CCDC148: variants seen among roughly 807,000 people sequenced by gnomAD.
The protein encoded by CCDC148 is coiled-coil domain-containing protein 148.
A neutral mutation model predicts 85.7 loss-of-function variants in CCDC148; 89 were observed. The observed-to-expected ratio is 1.04, with a 90% CI of 0.87 to 1.24. The LOEUF (loss-of-function observed/expected upper bound fraction) is 1.24. Among genes scored for constraint, CCDC148 ranks in the 50% most tolerant of loss-of-function variants. The pLI is 0.00. For missense variants in CCDC148, 692 were observed against 671.7 expected, an observed-to-expected ratio of 1.03 and a Z score of -0.33; for synonymous variants, 230 against 213.9, an observed-to-expected ratio of 1.08 and a Z score of -0.66.
At position 158,340,138 on chromosome 2, in the gene CCDC148, TTAAC is replaced by T. The variant is rs1047356215; in HGVS notation, c.486+100_486+103del. Reference sequence around the variant, plus strand: ...TTTAAATATTATTTATGTATTAATATTAACTAATATACAGGTCACACATGTTTGT... The same window carrying T: ...TTTAAATATTATTTATGTATTAATATTAATATACAGGTCACACATGTTTGT... On this transcript the variant is annotated intron_variant, in intron 5 of 13. Transcript: ENST00000283233. The T allele has an allele frequency of 5.4e-5, 45 of 833,430 alleles. No individual in the cohort carries two copies. The African/African-American group carries it at 6.9e-4, about 13-fold the overall frequency. 51.6% of individuals were successfully genotyped at this position (833,430 alleles called of 1,614,324 possible).
intron 11 of CCDC148, among the ~76,000 whole-genome samples, chr2:158,182,121 G>A (rs1558962602): frequency 1.3e-5 from 2 of 152,132 alleles, no homozygotes; most frequent in Non-Finnish European, 2.9e-5. Flanking sequence ...TGAGAAACAG[G>A]GAGGTGAAAG....
chr2:158,393,450 A>AG (rs981863406), intron 1 of CCDC148: 15 of 152,162 alleles, frequency 9.9e-5, no homozygotes, highest in African/African-American at 3.4e-4. Flanking sequence ...CTTTAATAGC[A>AG]GGGGGCTTTC....
intron 11 of CCDC148, among the ~76,000 whole-genome samples, chr2:158,180,650 G>A (rs1684852978): frequency 6.6e-6 from 1 of 152,110 alleles, no homozygotes; most frequent in Non-Finnish European, 1.5e-5. Context: ...AGTGAATGAT[G>A]AGTGACAGAG....
chr2:158,253,925 A>G (rs1478515574), intron 9 of CCDC148, among the ~76,000 whole-genome samples: 2 of 151,620 alleles, frequency 1.3e-5, no homozygotes, highest in Admixed American at 6.6e-5. Flanking sequence ...TATTCTTGCC[A>G]AAAAATAAAA....
chr2:158,292,285 A>G (rs1690929856), intron 9 of CCDC148, among the ~76,000 whole-genome samples: 1 of 152,208 alleles, frequency 6.6e-6, no homozygotes, highest in South Asian at 2.1e-4. Flanking sequence ...ATGGGAATTC[A>G]TTTGGTTATA....
intron 10 of CCDC148, among the ~76,000 whole-genome samples, chr2:158,225,763 C>T (rs1687480458): frequency 6.6e-6 from 1 of 152,122 alleles, no homozygotes; most frequent in African/African-American, 2.4e-5. Context: ...CCAATGAGAA[C>T]AAAGACACAA....
intron 11 of CCDC148, among the ~76,000 whole-genome samples, chr2:158,216,778 A>G (rs773908929): frequency 1.3e-5 from 2 of 152,128 alleles, no homozygotes; most frequent in African/African-American, 2.4e-5. Context: ...TAATATTTTG[A>G]GAAAAAATAC....
At chr2:158,436,982 T>C (rs868714268) in intron 1 of CCDC148, among the ~76,000 whole-genome samples, 5 of 152,098 alleles carry the variant, frequency 3.3e-5, no homozygotes, top group Admixed American at 6.5e-5. Context: ...GAGGCAATAA[T>C]TAATAGCTTA....
intron 1 of CCDC148, among the ~76,000 whole-genome samples, chr2:158,388,542 T>C (rs2105294786): frequency 6.6e-6 from 1 of 152,290 alleles, no homozygotes; most frequent in Admixed American, 6.5e-5. Context: ...TCACCCAGGC[T>C]GGAGTGCAAT....
intron 10 of CCDC148, among the ~76,000 whole-genome samples, chr2:158,241,550 C>T (rs886638096): frequency 6.6e-6 from 1 of 152,098 alleles, no homozygotes; most frequent in Admixed American, 6.6e-5. Context: ...GGGTATAATA[C>T]ATGTCACAAT....
chr2:158,262,172 T>C (rs1689258727), intron 9 of CCDC148, among the ~76,000 whole-genome samples: 1 of 152,086 alleles, frequency 6.6e-6, no homozygotes, highest in Non-Finnish European at 1.5e-5. Flanking sequence ...CATCGAATAC[T>C]ATGCAGCCAT....
At chr2:158,203,189 A>G (rs1235377018) in intron 11 of CCDC148, among the ~76,000 whole-genome samples, 1 of 152,180 alleles carries the variant, frequency 6.6e-6, no homozygotes, top group African/African-American at 2.4e-5. Context: ...AAGTGAAGCC[A>G]CCTTACCCAC....
intron 9 of CCDC148, among the ~76,000 whole-genome samples, chr2:158,266,626 C>T (rs1188401764): frequency 6.6e-6 from 1 of 152,054 alleles, no homozygotes; most frequent in Non-Finnish European, 1.5e-5. Flanking sequence ...ACTTTCTTCC[C>T]ACCCTTTCTC....
intron 9 of CCDC148, among the ~76,000 whole-genome samples, chr2:158,306,103 T>A (rs1167754802): frequency 6.6e-6 from 1 of 152,028 alleles, no homozygotes; most frequent in African/African-American, 2.4e-5. Flanking sequence ...AGGCTGGAGG[T>A]AGATGAAGGG....
intron 1 of CCDC148, among the ~76,000 whole-genome samples, chr2:158,412,614 C>T (rs138802552): frequency 8.6e-4 from 130 of 151,964 alleles, no homozygotes; most frequent in African/African-American, 3.1e-3. Context: ...GGAAAATTGC[C>T]AAAGTTATAA....
At chr2:158,301,444 T>C (rs1173893197) in intron 9 of CCDC148, among the ~76,000 whole-genome samples, 2 of 152,238 alleles carry the variant, frequency 1.3e-5, no homozygotes, top group East Asian at 3.8e-4. Flanking sequence ...GCCTTCTAAG[T>C]TGATATAATC....
rs539976212 is a variant in CCDC148, at chr2:158,305,483, C to A, written c.1110+3950G>T. On this transcript the variant is annotated intron_variant, in intron 9 of 13. Transcript: ENST00000283233. ...GTGTGGCAAGCCAGGCACAGTGGCT[C>A]ACCTGCAATCTCCGTGCTTTGGGAA... Among the ~76,000 whole-genome samples the A allele has an allele frequency of 8.5e-5, 13 of 152,126 alleles. 1 individual carries two copies. The highest frequency in any genetic ancestry group is 2.0e-4 in the Admixed American group (3 of 15,274).
chr2:158,354,074 A>G (rs1019784867), intron 2 of CCDC148, among the ~76,000 whole-genome samples: 2 of 151,958 alleles, frequency 1.3e-5, no homozygotes, highest in Non-Finnish European at 2.9e-5. Flanking sequence ...ACACATTCAA[A>G]GCAGTGTGTA....
rs559197413 is a variant in CCDC148 at position 158,390,541 on chromosome 2, T to C, written c.26-31971A>G. 2.6e-5 allele frequency among the ~76,000 whole-genome samples: 4 copies of C among 152,208 alleles called. No homozygotes were observed. The East Asian group carries it at 7.7e-4, about 29-fold the overall frequency. On this transcript the variant is annotated intron_variant, in intron 1 of 13. Coordinates refer to ENST00000283233, the MANE Select transcript of CCDC148 (RefSeq NM_138803.4). ...CCAAACTCTTATAAACAAAATTCCT[T>C]CTCCAAAATTTTAAACTTGAGGCCA...
Sources: gnomAD v4.1 joint callset for allele counts (sites outside exome capture counted in the v4.1 genomes callset) on GRCh38, gnomAD v4.1.1 for gene constraint, MANE v1.5 for transcripts, NCBI Gene and HGNC (gene_info 2026-07-23, HGNC 2026-07-21) for gene names.